The following LRP12 variants were observed in gnomAD, a reference collection of about 807,000 sequenced individuals.
LRP12 encodes LDL receptor related protein 12.
LRP12 carries 14 observed loss-of-function variants against 66.0 expected under a neutral mutation model. The observed-to-expected ratio is 0.21, with a 90% CI of 0.14 to 0.33. The LOEUF is 0.33. LRP12 is among the 10% of genes least tolerant of loss of function. LRP12 has a pLI of 1.00. For missense variants in LRP12, 889 were observed against 1,053.4 expected (o/e 0.84, Z 2.16); for synonymous variants, 357 against 359.1 (o/e 0.99, Z 0.07).
At chr8:104,580,465 G>A (rs1373579372) in intron 1 of LRP12, among the ~76,000 whole-genome samples, 2 of 151,880 alleles carry the variant, frequency 1.3e-5, no homozygotes, top group Non-Finnish European at 2.9e-5. Context: ...GCGAGGCGGG[G>A]CTTGCAGAGA....
intron 1 of LRP12, among the ~76,000 whole-genome samples, chr8:104,564,424 A>C (rs182294750): frequency 5.1e-4 from 77 of 152,290 alleles, no homozygotes; most frequent in Admixed American, 3.7e-3. Flanking sequence ...ATGAGCTTTT[A>C]GACATTCTAG....
intron 2 of LRP12, among the ~76,000 whole-genome samples, chr8:104,522,014 C>T (rs577255033): frequency 3.3e-5 from 5 of 152,000 alleles, no homozygotes; most frequent in African/African-American, 1.2e-4. Context: ...ACAATTTAAG[C>T]TTTATTTCCT....
At chr8:104,528,646 ACACCTGTAGTCC>A (rs147032032) in intron 2 of LRP12, among the ~76,000 whole-genome samples, 1,967 of 152,074 alleles carry the variant, frequency 0.013, 48 homozygotes, top group African/African-American at 0.044. Context: ...GTGGTGGCGC[ACACCTGTAGTCC>A]CAGCTACTTG....
chr8:104,498,111 A>G lies in LRP12; in HGVS notation c.476-35T>C, dbSNP rs75222511. ...TGTGAGTAGAAATAGATGGAAAGAG[A>G]AGGAGAAAAATTATAATCTTTAAAA... On this transcript the variant is annotated intron_variant, in intron 4 of 6. Transcript: ENST00000276654. The G allele has an allele frequency of 6.2e-3, 9,430 of 1,513,160 alleles. 33 individuals are homozygous for G. Among genetic ancestry groups the G allele is most frequent in the Non-Finnish European group, 7.6e-3 (8,649 of 1,131,360 alleles). The allele number at this position is 1,513,160 out of a possible 1,614,324, so 93.7% of individuals were successfully genotyped here.
intron 2 of LRP12, among the ~76,000 whole-genome samples, chr8:104,522,762 T>C (rs1811171102): frequency 1.3e-5 from 2 of 152,094 alleles, no homozygotes; most frequent in African/African-American, 4.8e-5. Flanking sequence ...AGTTTTTGCC[T>C]AACTATAAAG....
chr8:104,554,799 GATC>G, intron 1 of LRP12, among the ~76,000 whole-genome samples: 1 of 152,272 alleles, frequency 6.6e-6, no homozygotes, highest in Non-Finnish European at 1.5e-5. Flanking sequence ...ATCATAAAAA[GATC>G]ATCACCTAGG....
At chr8:104,503,958 C>G (rs1236509123) in intron 3 of LRP12, among the ~76,000 whole-genome samples, 2 of 152,050 alleles carry the variant, frequency 1.3e-5, no homozygotes, top group East Asian at 3.9e-4. Flanking sequence ...AACAGACACC[C>G]TTTACCAGGT....
intron 2 of LRP12, among the ~76,000 whole-genome samples, chr8:104,530,155 A>T (rs995581716): frequency 6.6e-6 from 1 of 152,190 alleles, no homozygotes; most frequent in Non-Finnish European, 1.5e-5. Flanking sequence ...TAATTGAACT[A>T]ATGAGTTTTA....
chr8:104,511,189 G>A (rs959613716), intron 2 of LRP12, among the ~76,000 whole-genome samples: 1 of 151,472 alleles, frequency 6.6e-6, no homozygotes, highest in African/African-American at 2.4e-5. Context: ...GACTACAGGT[G>A]CACGCTACCA....
chr8:104,504,495 A>C (rs1810875830), intron 3 of LRP12: 2 of 152,098 alleles, frequency 1.3e-5, no homozygotes. Context: ...TTTAATATGT[A>C]TTACTTTCAC....
chr8:104,537,359 G>A (rs1406549101), intron 1 of LRP12, among the ~76,000 whole-genome samples: 1 of 152,096 alleles, frequency 6.6e-6, no homozygotes, highest in Non-Finnish European at 1.5e-5. Context: ...CACGGTCCTA[G>A]TCTTAGGCTG....
chr8:104,510,882 G>A (rs1174729942), intron 2 of LRP12, among the ~76,000 whole-genome samples: 1 of 151,962 alleles, frequency 6.6e-6, no homozygotes, highest in African/African-American at 2.4e-5. Context: ...AAGAGTTGTT[G>A]AGTGAATAAT....
At chr8:104,535,136 G>A (rs764805390) in intron 1 of LRP12, among the ~76,000 whole-genome samples, 64 of 151,644 alleles carry the variant, frequency 4.2e-4, no homozygotes, top group African/African-American at 1.5e-3. Flanking sequence ...TTTCACGTAC[G>A]AAAAAGTTTG....
chr8:104,523,932 T>C (rs191210316), intron 2 of LRP12, among the ~76,000 whole-genome samples: 30 of 152,190 alleles, frequency 2.0e-4, no homozygotes, highest in African/African-American at 6.5e-4. Context: ...CATTTTCTTT[T>C]CTCTAGCTAA....
At chr8:104,540,557 CTGAT>C (rs1371730452) in intron 1 of LRP12, among the ~76,000 whole-genome samples, 7 of 151,998 alleles carry the variant, frequency 4.6e-5, no homozygotes, top group Middle Eastern at 3.2e-3. Context: ...AGATATTTTC[CTGAT>C]TGATTTAATT....
chr8:104,500,018 A>G (rs1564129980), intron 3 of LRP12, among the ~76,000 whole-genome samples: 2 of 152,230 alleles, frequency 1.3e-5, no homozygotes, highest in African/African-American at 4.8e-5. Context: ...AGACTGAAAA[A>G]GGAACACACG....
At chr8:104,542,911 C>A in intron 1 of LRP12, among the ~76,000 whole-genome samples, 1 of 151,486 alleles carries the variant, frequency 6.6e-6, no homozygotes, top group East Asian at 1.9e-4. Context: ...GTTTGTCTTG[C>A]AGTCTCAAGA....
intron 2 of LRP12, among the ~76,000 whole-genome samples, chr8:104,514,145 A>C (rs1163270973): frequency 6.6e-6 from 1 of 152,076 alleles, no homozygotes; most frequent in Admixed American, 6.6e-5. Flanking sequence ...GCCTGCCTTC[A>C]CCACTTCTTA....
intron 1 of LRP12, among the ~76,000 whole-genome samples, chr8:104,549,355 T>G (rs1811690545): frequency 6.6e-6 from 1 of 151,124 alleles, no homozygotes; most frequent in South Asian, 2.1e-4. Context: ...ACCAATGACC[T>G]ACTTAGAAAA....
Sources: gnomAD v4.1 joint callset for allele counts (sites outside exome capture counted in the v4.1 genomes callset) on GRCh38, gnomAD v4.1.1 for gene constraint, MANE v1.5 for transcripts, NCBI Gene and HGNC (gene_info 2026-07-23, HGNC 2026-07-21) for gene names.